Variants in SGCZ observed in about 807,000 individuals in gnomAD.
SGCZ encodes the protein sarcoglycan zeta, also known as zeta-sarcoglycan.
Under a neutral mutation model 41.3 loss-of-function variants are expected in SGCZ, and 40 were observed. The ratio of observed to expected loss-of-function variants is 0.97; its 90% CI spans 0.75 to 1.26. The LOEUF is 1.26. Among genes scored for constraint, SGCZ ranks in the 50% most tolerant of loss-of-function variants. SGCZ has a pLI of 0.00. For synonymous variants in SGCZ, 206 were observed against 137.5 expected, an observed-to-expected ratio of 1.50 and a Z score of -3.49; for missense variants, 552 against 369.8, an observed-to-expected ratio of 1.49 and a Z score of -4.04.
intron 1 of SGCZ, among the ~76,000 whole-genome samples, chr8:15,141,641 C>T (rs912752071): frequency 2.6e-5 from 4 of 152,178 alleles, no homozygotes; most frequent in Admixed American, 6.5e-5. Context: ...CGGTGGCTCA[C>T]GCCTGTAATC....
intron 2 of SGCZ, among the ~76,000 whole-genome samples, chr8:14,415,761 C>A (rs1799475752): frequency 1.3e-5 from 2 of 151,848 alleles, no homozygotes; most frequent in South Asian, 4.1e-4. Context: ...AGATGCACCA[C>A]CTCAAATTTG....
chr8:14,766,924 A>G (rs929890070), intron 1 of SGCZ, among the ~76,000 whole-genome samples: 12 of 152,070 alleles, frequency 7.9e-5, no homozygotes, highest in Non-Finnish European at 1.8e-4. Context: ...CTGTCTTAAT[A>G]TCAAAGCAAG....
intron 1 of SGCZ, among the ~76,000 whole-genome samples, chr8:15,113,433 CTCTGCCTTCA>C (rs1183809366): frequency 2.5e-4 from 38 of 152,224 alleles, no homozygotes; most frequent in African/African-American, 8.7e-4. Context: ...ATATCAACTG[CTCTGCCTTCA>C]CAATGGGCTC....
At chr8:14,527,843 G>A (rs1803002218) in intron 2 of SGCZ, among the ~76,000 whole-genome samples, 1 of 152,012 alleles carries the variant, frequency 6.6e-6, no homozygotes, top group Non-Finnish European at 1.5e-5. Flanking sequence ...TCATATTGCT[G>A]AGGTGATCAT....
chr8:15,018,887 C>T (rs532549057), intron 1 of SGCZ, among the ~76,000 whole-genome samples: 17 of 152,134 alleles, frequency 1.1e-4, no homozygotes, highest in East Asian at 5.8e-4. Flanking sequence ...TGGTGGAAGG[C>T]GGAGAGGAAG....
chr8:14,422,346 A>G (rs1346021615), intron 2 of SGCZ, among the ~76,000 whole-genome samples: 1 of 152,178 alleles, frequency 6.6e-6, no homozygotes, highest in African/African-American at 2.4e-5. Flanking sequence ...CAATACATAT[A>G]TTTACTAGTA....
At chr8:14,285,945 CAT>C (rs1195301196) in intron 3 of SGCZ, among the ~76,000 whole-genome samples, 1 of 152,038 alleles carries the variant, frequency 6.6e-6, no homozygotes, top group Non-Finnish European at 1.5e-5. Flanking sequence ...GTAGGAAACA[CAT>C]ATGTTTTTGG....
chr8:15,051,189 C>G (rs1336530900), intron 1 of SGCZ, among the ~76,000 whole-genome samples: 1 of 152,120 alleles, frequency 6.6e-6, no homozygotes, highest in African/African-American at 2.4e-5. Context: ...GGGAATGATT[C>G]ACCATCTAAG....
At chr8:14,219,743 C>G (rs1307387588) in intron 4 of SGCZ, among the ~76,000 whole-genome samples, 1 of 76,970 alleles carries the variant, frequency 1.3e-5, no homozygotes, top group African/African-American at 6.3e-5. Context: ...GAGACTTCGT[C>G]TCAAAAAAAA....
At chr8:14,584,347 T>C (rs1187805422) in intron 1 of SGCZ, among the ~76,000 whole-genome samples, 1 of 151,990 alleles carries the variant, frequency 6.6e-6, no homozygotes, top group African/African-American at 2.4e-5. Flanking sequence ...AGGTTGAGAG[T>C]ATGTCTTGAT....
intron 7 of SGCZ, among the ~76,000 whole-genome samples, chr8:14,098,848 A>G (rs541230332): frequency 1.8e-4 from 27 of 152,230 alleles, no homozygotes; most frequent in African/African-American, 6.0e-4. Context: ...GGCCTCATCA[A>G]TGGAGTAAAC....
At chr8:14,511,288 G>A (rs926309834) in intron 2 of SGCZ, among the ~76,000 whole-genome samples, 10 of 151,846 alleles carry the variant, frequency 6.6e-5, no homozygotes, top group Admixed American at 3.3e-4. Flanking sequence ...AATAAAAATT[G>A]TCTTTTTTTA....
chr8:14,870,976 G>C (rs993410673), intron 1 of SGCZ, among the ~76,000 whole-genome samples: 2 of 152,134 alleles, frequency 1.3e-5, no homozygotes, highest in Non-Finnish European at 2.9e-5. Context: ...GGGAGGCCGA[G>C]GCAGGAGGAT....
chr8:14,374,555 A>G (rs1358668297), intron 2 of SGCZ, among the ~76,000 whole-genome samples: 1 of 148,146 alleles, frequency 6.8e-6, no homozygotes, highest in East Asian at 1.9e-4. Flanking sequence ...AGAGAAAAGT[A>G]TAAAAGAGTC....
intron 1 of SGCZ, among the ~76,000 whole-genome samples, chr8:15,151,200 C>T (rs1184757172): frequency 6.6e-6 from 1 of 152,214 alleles, no homozygotes; most frequent in Non-Finnish European, 1.5e-5. Flanking sequence ...GCTTCTTGCA[C>T]ATAGACCCTC....
intron 1 of SGCZ, among the ~76,000 whole-genome samples, chr8:14,791,191 T>C (rs560419115): frequency 1.3e-5 from 2 of 152,286 alleles, no homozygotes; most frequent in African/African-American, 4.8e-5. Flanking sequence ...GAAAAATAAT[T>C]ATTTTTCCAA....
chr8:14,103,824 T>G (rs547925694), intron 6 of SGCZ, among the ~76,000 whole-genome samples: 1 of 152,260 alleles, frequency 6.6e-6, no homozygotes, highest in South Asian at 2.1e-4. Context: ...ATTTGAAAAC[T>G]TGAAGACAAT....
intron 2 of SGCZ, among the ~76,000 whole-genome samples, chr8:14,516,518 G>GT (rs1395536680): frequency 1.3e-5 from 2 of 151,906 alleles, no homozygotes; most frequent in Non-Finnish European, 2.9e-5. Flanking sequence ...AATAGTTACT[G>GT]TTTTTTTCTA....
intron 1 of SGCZ, among the ~76,000 whole-genome samples, chr8:14,841,695 G>T (rs990025222): frequency 6.6e-6 from 1 of 152,158 alleles, no homozygotes; most frequent in Non-Finnish European, 1.5e-5. Flanking sequence ...ATACTAAATG[G>T]AATTACTGTC....
Sources: gnomAD v4.1 joint callset for allele counts (sites outside exome capture counted in the v4.1 genomes callset) on GRCh38, gnomAD v4.1.1 for gene constraint, MANE v1.5 for transcripts, NCBI Gene and HGNC (gene_info 2026-07-23, HGNC 2026-07-21) for gene names.